ERICH1: variants seen among roughly 807,000 people sequenced by gnomAD.
ERICH1 encodes the protein glutamate-rich protein 1.
ERICH1 carries 56 observed loss-of-function variants against 39.6 expected under a neutral mutation model. That is an observed-to-expected ratio of 1.41 (90% CI 1.14 to 1.77). The LOEUF is 1.77. ERICH1 is among the 40% of genes most tolerant of loss of function. The pLI, the probability that ERICH1 is intolerant of heterozygous loss-of-function variation, is 0.00. For synonymous variants in ERICH1, 313 were observed against 223.6 expected (o/e 1.40, Z -3.57); for missense variants, 826 against 575.4 (o/e 1.44, Z -4.45).
In ERICH1 at chr8:670,887, C is replaced by T. The variant is rs3735914; in HGVS notation, c.1064-2095G>A. 1.3e-4 allele frequency among the ~76,000 whole-genome samples: 19 copies of T among 151,762 alleles called. No individual in the cohort carries two copies. In the East Asian group the frequency reaches 3.7e-3, roughly 30 times the overall value. ...CTCTGAGCCCACCGGTCCCCAGGATCCAACCTCTGAACCCGCCGGCCCCTG... is the reference window on the plus strand; with the variant it reads ...CTCTGAGCCCACCGGTCCCCAGGATTCAACCTCTGAACCCGCCGGCCCCTG... On this transcript the variant is annotated intron_variant, in intron 4 of 5. Transcript: ENST00000262109.
In ERICH1 at chr8:687,452, G is replaced by A. The variant is rs138010957; in HGVS notation, c.304+5026C>T. On this transcript the variant is annotated intron_variant, in intron 3 of 5. Transcript: ENST00000262109. ...CACAAGCTTTGCAATAAGCCCAGAC[G>A]GTCTGGCACAACAAACGCTAAGCGT... Among the ~76,000 whole-genome samples, 495 of 152,346 alleles carry A rather than the reference G, an allele frequency of 3.2e-3. 4 individuals are homozygous for A. The highest frequency in any genetic ancestry group is 0.012 in the African/African-American group (485 of 41,574).
At chr8:655,632 C>T (rs547062170) in intron 3 of ERICH1, among the ~76,000 whole-genome samples, 4 of 151,886 alleles carry the variant, frequency 2.6e-5, no homozygotes, top group African/African-American at 4.8e-5. Context: ...CTTGCTCACT[C>T]CTTATCTGTA....
intron 1 of ERICH1, among the ~76,000 whole-genome samples, chr8:726,671 G>A (rs1256847742): frequency 2.7e-5 from 4 of 149,114 alleles, no homozygotes; most frequent in African/African-American, 5.0e-5. Flanking sequence ...ACACACAGAC[G>A]TGTACACAGG....
intron 3 of ERICH1, among the ~76,000 whole-genome samples, chr8:655,676 C>G (rs1184433588): frequency 2.2e-5 from 3 of 137,988 alleles, no homozygotes; most frequent in African/African-American, 8.6e-5. Flanking sequence ...TCCTTCCTTC[C>G]TTCCTTCCTT....
At chr8:683,442 C>T (rs1806587364) in intron 3 of ERICH1, among the ~76,000 whole-genome samples, 1 of 152,174 alleles carries the variant, frequency 6.6e-6, no homozygotes, top group African/African-American at 2.4e-5. Flanking sequence ...TCAGCAGGTG[C>T]CTGAACACCC....
intron 2 of ERICH1, among the ~76,000 whole-genome samples, chr8:713,957 G>A (rs540767895): frequency 2.3e-4 from 33 of 144,454 alleles, no homozygotes; most frequent in Admixed American, 1.3e-3. Context: ...GCACCCAGGC[G>A]GCCTCTTCTG....
chr8:678,769 C>A (rs1324445673), intron 3 of ERICH1, among the ~76,000 whole-genome samples: 1 of 152,160 alleles, frequency 6.6e-6, no homozygotes. Flanking sequence ...GATTGCACCA[C>A]TGCACTCCAG....
chr8:643,446 G>T (rs1168746959), intron 3 of ERICH1, among the ~76,000 whole-genome samples: 1 of 152,164 alleles, frequency 6.6e-6, no homozygotes, highest in Non-Finnish European at 1.5e-5. Flanking sequence ...CATCCAGGGG[G>T]CATTTTGCAG....
intron 2 of ERICH1, among the ~76,000 whole-genome samples, chr8:699,269 A>G (rs544225267): frequency 5.1e-4 from 78 of 152,120 alleles, no homozygotes; most frequent in Non-Finnish European, 1.1e-3. Flanking sequence ...TGCATGGATA[A>G]CTGGCAAAAT....
intron 3 of ERICH1, among the ~76,000 whole-genome samples, chr8:616,818 CG>C (rs1459458078): frequency 1.7e-4 from 4 of 22,990 alleles, no homozygotes; most frequent in Admixed American, 7.5e-4. Context: ...GAGGAAGAGA[CG>C]GGGGGAGAGA....
intron 2 of ERICH1, 48 bp downstream of exon 2, chr8:715,813 G>C (rs1219139216): frequency 1.3e-6 from 2 of 1,576,838 alleles, no homozygotes; most frequent in South Asian, 1.2e-5. Context: ...TGATGACGGA[G>C]GTTAACTTCA....
intron 1 of ERICH1, among the ~76,000 whole-genome samples, chr8:721,463 T>C (rs1403949817): frequency 6.6e-6 from 1 of 152,222 alleles, no homozygotes; most frequent in Non-Finnish European, 1.5e-5. Flanking sequence ...GGGTTTAGCA[T>C]CTGAGCTGAC....
chr8:718,301 C>T (rs1235019979), intron 1 of ERICH1, among the ~76,000 whole-genome samples: 1 of 152,138 alleles, frequency 6.6e-6, no homozygotes, highest in African/African-American at 2.4e-5. Context: ...AGTCTGGCCC[C>T]AGGTCACGGT....
intron 3 of ERICH1, among the ~76,000 whole-genome samples, chr8:628,111 G>A (rs770794987): frequency 1.3e-5 from 2 of 152,214 alleles, no homozygotes; most frequent in African/African-American, 2.4e-5. Flanking sequence ...AGGAAAGCAG[G>A]TGCCATGAGG....
chr8:681,599 G>T (rs1473755614), intron 3 of ERICH1, among the ~76,000 whole-genome samples: 1 of 152,228 alleles, frequency 6.6e-6, no homozygotes, highest in Non-Finnish European at 1.5e-5. Flanking sequence ...GCCTCTGGAG[G>T]TCTTGCCACC....
At chr8:670,070 T>A (rs945512467) in intron 4 of ERICH1, among the ~76,000 whole-genome samples, 3 of 152,186 alleles carry the variant, frequency 2.0e-5, no homozygotes, top group African/African-American at 7.2e-5. Context: ...TTCCACCCGT[T>A]TTCTCTCCAC....
At chr8:724,812 G>C (rs1818197524) in intron 1 of ERICH1, among the ~76,000 whole-genome samples, 1 of 152,206 alleles carries the variant, frequency 6.6e-6, no homozygotes, top group Non-Finnish European at 1.5e-5. Flanking sequence ...TGCACGGGCA[G>C]GTTACGCTCA....
intron 2 of ERICH1, among the ~76,000 whole-genome samples, chr8:704,256 A>G (rs1365712858): frequency 1.3e-5 from 2 of 152,206 alleles, no homozygotes; most frequent in Non-Finnish European, 2.9e-5. Flanking sequence ...CAAACCCAAG[A>G]AATGAAAAGA....
chr8:672,577 C>T (rs79949123), intron 4 of ERICH1, among the ~76,000 whole-genome samples: 2,518 of 152,090 alleles, frequency 0.017, 77 homozygotes, highest in African/African-American at 0.057. Context: ...ACACCTATAC[C>T]CACAAAAATT....
Sources: gnomAD v4.1 joint callset for allele counts (sites outside exome capture counted in the v4.1 genomes callset) on GRCh38, gnomAD v4.1.1 for gene constraint, MANE v1.5 for transcripts, NCBI Gene and HGNC (gene_info 2026-07-23, HGNC 2026-07-21) for gene names.